The following FRMPD4 variants were observed in gnomAD, a reference collection of about 807,000 sequenced individuals.
FRMPD4 encodes FERM and PDZ domain containing 4.
A neutral mutation model predicts 94.1 loss-of-function variants in FRMPD4; 22 were observed. The ratio of observed to expected loss-of-function variants is 0.23; its 90% CI spans 0.17 to 0.33. FRMPD4 has a LOEUF of 0.33. Ranked by LOEUF, FRMPD4 falls within the 10% of genes least tolerant of loss-of-function variation. The probability of loss-of-function intolerance (pLI) is 1.00; values close to 1 mark genes in which losing one functional copy is unlikely to be tolerated. For missense variants in FRMPD4, 1,111 were observed against 1,339.9 expected, an observed-to-expected ratio of 0.83 and a Z score of 2.67; for synonymous variants, 631 against 548.6, an observed-to-expected ratio of 1.15 and a Z score of -2.10.
intron 2 of FRMPD4, among the ~76,000 whole-genome samples, chrX:12,551,721 T>C (rs1569331659): frequency 9.0e-6 from 1 of 110,957 alleles, no homozygotes; most frequent in African/African-American, 3.3e-5. Context: ...GAGATTTAAT[T>C]AGTCTTCTGT....
intron 3 of FRMPD4, among the ~76,000 whole-genome samples, chrX:12,072,761 C>T (rs1443293039): frequency 4.5e-5 from 5 of 110,981 alleles, no homozygotes; most frequent in Non-Finnish European, 5.7e-5. Context: ...ATATATGCCC[C>T]GGTTAAACAC....
At chrX:12,465,608 G>T (rs2057441136) in intron 1 of FRMPD4, among the ~76,000 whole-genome samples, 1 of 111,693 alleles carries the variant, frequency 9.0e-6, no homozygotes, top group Non-Finnish European at 1.9e-5. Flanking sequence ...TTCAAATGAG[G>T]TTTCATAAAT....
chrX:12,694,397 A>G lies in FRMPD4; in HGVS notation c.876A>G (p.Lys292=). The part of the protein sequence containing the change: ...RCLFRISFVP[K]DPIDLLRRDP... ...TTTTCCGAATTAGCTTCGTCCCAAA[A>G]GATCCAATTGACCTTTTAAGGAGAG... The change falls in exon 9 of 17, where the codon AAA becomes AAG. Residue 292 remains lysine (K), a synonymous_variant. Transcript: ENST00000675598. 1 of 1,191,304 alleles carries G rather than the reference A, an allele frequency of 8.4e-7. No individual in the cohort carries two copies. The highest frequency in any genetic ancestry group is 1.1e-6 in the Non-Finnish European group (1 of 876,918).
rs757019757 is a variant in FRMPD4, at chrX:12,491,712, T to C, written c.42-6968T>C. Among the ~76,000 whole-genome samples the C allele has an allele frequency of 5.3e-5, 6 of 112,416 alleles. No homozygotes were observed. The East Asian group carries it at 1.7e-3, about 31-fold the overall frequency. On this transcript the variant is annotated intron_variant, in intron 1 of 16. Transcript: ENST00000675598. Reference sequence around the variant, plus strand: ...CCTGTGCCAGTATCATCATGTAGCTTGGATTCATTTATTAATTCAATTCCC... The same window carrying C: ...CCTGTGCCAGTATCATCATGTAGCTCGGATTCATTTATTAATTCAATTCCC...
rs193001213 is a variant in FRMPD4 at position 12,055,877 on chromosome X, G to C, written c.95+177859G>C. Among the ~76,000 whole-genome samples, 38 of 111,563 alleles carry C rather than the reference G, an allele frequency of 3.4e-4. No homozygotes were observed. In the Admixed American group the frequency reaches 3.6e-3, roughly 11 times the overall value. On this transcript the variant is annotated intron_variant, in intron 3 of 18. Transcript: ENST00000640291. ...ATTTTAGAAATTAGATTAGAAATGA[G>C]ACACTTAAAACGATAAGTATTCTGT...
intron 1 of FRMPD4, among the ~76,000 whole-genome samples, chrX:12,386,673 A>G (rs1466864934): frequency 8.9e-6 from 1 of 112,023 alleles, no homozygotes; most frequent in African/African-American, 3.2e-5. Flanking sequence ...TGTTTACCTA[A>G]TATGTCACTG....
intron 1 of FRMPD4, among the ~76,000 whole-genome samples, chrX:12,146,364 CA>C (rs59744883): frequency 3.3e-4 from 33 of 98,573 alleles, no homozygotes; most frequent in East Asian, 3.0e-4. Context: ...GACTCTGTCT[CA>C]AAAAAAAAAA....
intron 3 of FRMPD4, among the ~76,000 whole-genome samples, chrX:12,087,145 C>A (rs1054121353): frequency 1.8e-5 from 2 of 111,218 alleles, no homozygotes; most frequent in Non-Finnish European, 3.8e-5. Context: ...AAACAAGTCC[C>A]AGGTCTCACT....
rs963322103 is a variant in FRMPD4 at position 12,132,403 on chromosome X, G to T, written c.95+254385G>T. 3.6e-5 allele frequency among the ~76,000 whole-genome samples: 4 copies of T among 111,511 alleles called. No homozygotes were observed. The East Asian group carries it at 1.1e-3, about 31-fold the overall frequency. ...AGGTGCCTGTTAGTCACTAGATGGA[G>T]ATGTTGAGTGGGTGGTCTGGAGTTG... On this transcript the variant is annotated intron_variant, in intron 3 of 18. Coordinates refer to the FRMPD4 transcript ENST00000640291.
intron 1 of FRMPD4, among the ~76,000 whole-genome samples, chrX:12,488,934 G>A (rs958284652): frequency 8.9e-6 from 1 of 112,184 alleles, no homozygotes; most frequent in Non-Finnish European, 1.9e-5. Context: ...ATTTGTTTTT[G>A]TAAATGAAGT....
chrX:12,253,379 A>G (rs886558014), intron 1 of FRMPD4, among the ~76,000 whole-genome samples: 3 of 112,382 alleles, frequency 2.7e-5, no homozygotes, highest in African/African-American at 9.7e-5. Context: ...TTATTTTCAT[A>G]ATAATTTGTG....
intron 2 of FRMPD4, among the ~76,000 whole-genome samples, chrX:11,873,420 A>G (rs193104620): frequency 9.0e-6 from 1 of 111,379 alleles, no homozygotes; most frequent in East Asian, 2.8e-4. Flanking sequence ...ATAGTGATGA[A>G]CAATCAGAAA....
intron 1 of FRMPD4, among the ~76,000 whole-genome samples, chrX:12,222,556 G>A (rs2056880555): frequency 8.9e-6 from 1 of 111,955 alleles, no homozygotes; most frequent in African/African-American, 3.2e-5. Context: ...ATGAGTTTTA[G>A]TCAATTTGTA....
intron 1 of FRMPD4, among the ~76,000 whole-genome samples, chrX:11,832,918 A>T (rs1193378635): frequency 1.8e-5 from 2 of 111,693 alleles, no homozygotes; most frequent in African/African-American, 6.5e-5. Flanking sequence ...TAAATATATA[A>T]TGACATATAT....
intron 3 of FRMPD4, among the ~76,000 whole-genome samples, chrX:12,096,631 C>T (rs927599640): frequency 2.7e-5 from 3 of 111,886 alleles, no homozygotes; most frequent in Non-Finnish European, 5.6e-5. Flanking sequence ...TGCCTATAAT[C>T]TCAGAGCTTT....
Position 12,609,742 on chromosome X carries a change from T to C in FRMPD4, c.180T>C (p.Pro60=), listed in dbSNP as rs779772851. Residue 60 remains proline (P), a synonymous_variant, in exon 3 of 17, where the codon CCT becomes CCC. Coordinates refer to ENST00000675598, the MANE Select transcript of FRMPD4 (RefSeq NM_001368397.1). The stretch of plus-strand genomic sequence containing the variant: ...ACAGTCACATGACACAGGCAATCCC[T>C]TTTGACGACCCTCGGTTAGAGAGCT... ...YFINHMTQAI[P]FDDPRLESCQ... 1 of 1,209,436 alleles carries C rather than the reference T, an allele frequency of 8.3e-7. No homozygotes were observed. Among genetic ancestry groups the C allele is most frequent in the South Asian group, 1.8e-5 (1 of 56,928 alleles).
intron 16 of FRMPD4, among the ~76,000 whole-genome samples, chrX:12,719,128 G>A (rs184249507): frequency 3.6e-3 from 407 of 112,520 alleles, no homozygotes; most frequent in Non-Finnish European, 5.9e-3. Flanking sequence ...TCACATAACA[G>A]TTTGATTTTC....
intron 2 of FRMPD4, chrX:12,583,392 C>A: frequency 9.5e-7 from 1 of 1,054,285 alleles, no homozygotes; most frequent in Non-Finnish European, 1.3e-6. Flanking sequence ...CAGGGAAGCT[C>A]CGCCAGTACT....
At chrX:11,923,743 C>G (rs775871874) in intron 3 of FRMPD4, among the ~76,000 whole-genome samples, 2 of 112,344 alleles carry the variant, frequency 1.8e-5, no homozygotes, top group South Asian at 7.5e-4. Flanking sequence ...TCAAGGTCAT[C>G]AAATAGGATA....
Sources: allele counts gnomAD v4.1 joint callset (sites outside exome capture counted in the v4.1 genomes callset), GRCh38; gene constraint gnomAD v4.1.1; transcripts MANE v1.5; gene names NCBI Gene and HGNC (gene_info 2026-07-23, HGNC 2026-07-21).